NELL1: variants seen among roughly 807,000 people sequenced by gnomAD.
NELL1 encodes the protein neural EGFL like 1, also known as protein kinase C-binding protein NELL1.
A neutral mutation model predicts 107.4 loss-of-function variants in NELL1; 76 were observed. That is an observed-to-expected ratio of 0.71 (90% confidence interval 0.59 to 0.86). The LOEUF (loss-of-function observed/expected upper bound fraction) is 0.86. Ranked by LOEUF, NELL1 falls within the 40% of genes least tolerant of loss-of-function variation. NELL1 has a pLI of 0.00. For missense variants in NELL1, 1,024 were observed against 1,005.5 expected (o/e 1.02, Z -0.25); for synonymous variants, 353 against 341.2 (o/e 1.03, Z -0.38).
chr11:21,230,812 C>T (rs1052849388), intron 14 of NELL1, among the ~76,000 whole-genome samples: 6 of 37,136 alleles, frequency 1.6e-4, no homozygotes, highest in Admixed American at 3.9e-4. Context: ...TGGTAAAACT[C>T]ATTTTTTTTT....
At chr11:20,748,427 T>TG (rs1856052265) in intron 2 of NELL1, among the ~76,000 whole-genome samples, 1 of 152,216 alleles carries the variant, frequency 6.6e-6, no homozygotes, top group South Asian at 2.1e-4. Flanking sequence ...CAGTAGCTTT[T>TG]GGGATACAAA....
chr11:21,169,843 C>T, intron 13 of NELL1: 1 of 1,413,136 alleles, frequency 7.1e-7, no homozygotes, highest in Non-Finnish European at 9.9e-7. Flanking sequence ...GTGCTTGCAC[C>T]CCAGAGTCCC....
chr11:20,857,995 A>G (rs1003210282), intron 4 of NELL1, among the ~76,000 whole-genome samples: 1 of 152,152 alleles, frequency 6.6e-6, no homozygotes, highest in Admixed American at 6.5e-5. Context: ...TAAGAACGTA[A>G]CAGGACGGGC....
chr11:21,072,242 G>A (rs1854033329), intron 12 of NELL1, among the ~76,000 whole-genome samples: 1 of 152,104 alleles, frequency 6.6e-6, no homozygotes. Flanking sequence ...ATAAATGTGG[G>A]TATTATTAAG....
chr11:21,556,771 C>T (rs899734324), intron 16 of NELL1, among the ~76,000 whole-genome samples: 4 of 151,786 alleles, frequency 2.6e-5, no homozygotes, highest in African/African-American at 4.8e-5. Context: ...ATATTTCATT[C>T]GAGCATGAAG....
chr11:20,913,445 T>C (rs1771636153), intron 5 of NELL1, among the ~76,000 whole-genome samples: 1 of 152,152 alleles, frequency 6.6e-6, no homozygotes, highest in Admixed American at 6.6e-5. Context: ...AGTTATTCCA[T>C]ACACAAGAGG....
chr11:21,011,996 T>G, intron 12 of NELL1, among the ~76,000 whole-genome samples: 1 of 152,092 alleles, frequency 6.6e-6, no homozygotes, highest in East Asian at 1.9e-4. Flanking sequence ...CCCTCTAGGG[T>G]GCCAACCACT....
intron 15 of NELL1, among the ~76,000 whole-genome samples, chr11:21,378,201 A>G (rs1851522135): frequency 6.6e-6 from 1 of 151,494 alleles, no homozygotes; most frequent in Admixed American, 6.6e-5. Context: ...ATTTCATCCC[A>G]TTAAGAACTC....
chr11:21,190,452 G>T (rs890634373), intron 13 of NELL1, among the ~76,000 whole-genome samples: 2 of 151,872 alleles, frequency 1.3e-5, no homozygotes, highest in Non-Finnish European at 1.5e-5. Flanking sequence ...AGACACTGGT[G>T]TCCCCTCATA....
intron 12 of NELL1, among the ~76,000 whole-genome samples, chr11:21,073,667 C>T (rs1299894180): frequency 6.6e-6 from 1 of 152,048 alleles, no homozygotes; most frequent in African/African-American, 2.4e-5. Flanking sequence ...TATGAACAAG[C>T]ACAGTCAGGG....
intron 16 of NELL1, among the ~76,000 whole-genome samples, chr11:21,536,632 TTC>T (rs1186345879): frequency 6.6e-6 from 1 of 152,192 alleles, no homozygotes; most frequent in Non-Finnish European, 1.5e-5. Context: ...GGCTTTTTTC[TTC>T]TGTTTCTTCA....
intron 14 of NELL1, among the ~76,000 whole-genome samples, chr11:21,242,313 C>A (rs1858383905): frequency 6.6e-6 from 1 of 152,038 alleles, no homozygotes; most frequent in Non-Finnish European, 1.5e-5. Context: ...TTTTCAGAAT[C>A]CTTACCACTC....
intron 2 of NELL1, among the ~76,000 whole-genome samples, chr11:20,706,980 C>G (rs1033081755): frequency 6.6e-6 from 1 of 152,208 alleles, no homozygotes; most frequent in Non-Finnish European, 1.5e-5. Context: ...TGGTTCCACT[C>G]TCCCCATCAT....
At chr11:21,104,680 G>A (rs921559606) in intron 12 of NELL1, among the ~76,000 whole-genome samples, 2 of 152,136 alleles carry the variant, frequency 1.3e-5, no homozygotes, top group East Asian at 1.9e-4. Context: ...TCTGCTTGAC[G>A]CATATGTTAG....
chr11:21,086,595 G>C (rs1854397313), intron 12 of NELL1, among the ~76,000 whole-genome samples: 1 of 152,068 alleles, frequency 6.6e-6, no homozygotes, highest in African/African-American at 2.4e-5. Context: ...GATGTACCCA[G>C]TTACACGTGG....
intron 14 of NELL1, among the ~76,000 whole-genome samples, chr11:21,340,723 G>A (rs1850545114): frequency 6.6e-6 from 1 of 151,910 alleles, no homozygotes; most frequent in Non-Finnish European, 1.5e-5. Flanking sequence ...AAATATTGGG[G>A]TGATATTTCT....
At chr11:20,704,829 C>T (rs372743525) in intron 2 of NELL1, among the ~76,000 whole-genome samples, 11 of 152,142 alleles carry the variant, frequency 7.2e-5, no homozygotes, top group African/African-American at 2.7e-4. Context: ...GATACAAAAT[C>T]AATATGCAAA....
chr11:21,168,743 TC>T (rs972666212), intron 13 of NELL1, among the ~76,000 whole-genome samples: 1 of 151,864 alleles, frequency 6.6e-6, no homozygotes, highest in Non-Finnish European at 1.5e-5. Context: ...AAGTTTTTTT[TC>T]CCCCAGGTGC....
chr11:21,345,395 T>C (rs781685545), intron 14 of NELL1, among the ~76,000 whole-genome samples: 51 of 152,218 alleles, frequency 3.4e-4, no homozygotes, highest in Non-Finnish European at 5.9e-4. Context: ...GAACATTTTC[T>C]CAAAGCTTTA....
Sources: gnomAD v4.1 joint callset for allele counts (sites outside exome capture counted in the v4.1 genomes callset) on GRCh38, gnomAD v4.1.1 for gene constraint, MANE v1.5 for transcripts, NCBI Gene and HGNC (gene_info 2026-07-23, HGNC 2026-07-21) for gene names.